The following SPMAP2L variants were observed in gnomAD, a reference collection of about 807,000 sequenced individuals.
SPMAP2L encodes sperm microtubule associated protein 2-like.
the SPMAP2L span, among the ~76,000 whole-genome samples, chr4:56,565,583 C>A: frequency 1.3e-5 from 2 of 152,160 alleles, no homozygotes; most frequent in Non-Finnish European, 2.9e-5. Context: ...CATGCAAGGA[C>A]ATCCATGAAA....
At chr4:56,594,271 G>A in the SPMAP2L span, 10 of 1,569,498 alleles carry the variant, frequency 6.4e-6, no homozygotes, top group Non-Finnish European at 8.8e-6. Context: ...TCCGGTATAT[G>A]AAGAAACTGG....
chr4:56,542,930 C>G, the SPMAP2L span, among the ~76,000 whole-genome samples: 39 of 152,010 alleles, frequency 2.6e-4, no homozygotes, highest in African/African-American at 8.9e-4. Context: ...AAGACAGGGT[C>G]CCTTTGAACC....
the SPMAP2L span, among the ~76,000 whole-genome samples, chr4:56,581,050 C>T: frequency 6.6e-6 from 1 of 151,814 alleles, no homozygotes; most frequent in African/African-American, 2.4e-5. Flanking sequence ...ATTTGAAGTA[C>T]CAAAAATAGT....
chr4:56,560,587 A>C, the SPMAP2L span, among the ~76,000 whole-genome samples: 9 of 152,096 alleles, frequency 5.9e-5, no homozygotes, highest in Non-Finnish European at 1.3e-4. Flanking sequence ...CAACTCAACA[A>C]GTTTGTATCA....
the SPMAP2L span, among the ~76,000 whole-genome samples, chr4:56,591,325 C>A: frequency 6.6e-6 from 1 of 152,140 alleles, no homozygotes; most frequent in Non-Finnish European, 1.5e-5. Flanking sequence ...CCAGCCATGC[C>A]ACCTGTACAC....
the SPMAP2L span, among the ~76,000 whole-genome samples, chr4:56,589,747 T>G: frequency 0.16 from 23,196 of 148,954 alleles, 2,240 homozygotes; most frequent in African/African-American, 0.27. Flanking sequence ...TGTGGGGGGG[T>G]TTTGTTTTTT....
At chr4:56,594,692 G>A in the SPMAP2L span, 5 of 1,320,888 alleles carry the variant, frequency 3.8e-6, no homozygotes, top group Non-Finnish European at 5.5e-6. Context: ...TATCAATGCA[G>A]TTCACCTCAA....
the SPMAP2L span, among the ~76,000 whole-genome samples, chr4:56,602,925 G>A: frequency 3.7e-3 from 563 of 152,208 alleles, 3 homozygotes; most frequent in Middle Eastern, 0.031. Context: ...AGGTCTGTCT[G>A]ATTCCAAAAC....
chr4:56,572,295 A>T, the SPMAP2L span, among the ~76,000 whole-genome samples: 5 of 152,252 alleles, frequency 3.3e-5, no homozygotes, highest in African/African-American at 1.2e-4. Context: ...CTATGATGTT[A>T]TGATGGCTAC....
At chr4:56,543,973 T>TGAGAGAGAGAGA in the SPMAP2L span, among the ~76,000 whole-genome samples, 1 of 127,192 alleles carries the variant, frequency 7.9e-6, no homozygotes, top group African/African-American at 3.1e-5. Flanking sequence ...TGTGTGTATG[T>TGAGAGAGAGAGA]GAGAGAGAGA....
chr4:56,603,398 G>A, the SPMAP2L span: 3 of 1,064,588 alleles, frequency 2.8e-6, no homozygotes, highest in African/African-American at 3.2e-5. Flanking sequence ...TCCCTGTTGC[G>A]GTACTGTCAG....
the SPMAP2L span, among the ~76,000 whole-genome samples, chr4:56,567,967 G>A: frequency 5.9e-5 from 9 of 152,080 alleles, no homozygotes; most frequent in East Asian, 1.4e-3. Context: ...GCTCTAGTTG[G>A]ATGTATCAGA....
the SPMAP2L span, among the ~76,000 whole-genome samples, chr4:56,531,788 CT>C: frequency 3.9e-5 from 6 of 152,314 alleles, no homozygotes; most frequent in Admixed American, 3.9e-4. Context: ...TTTATGACCC[CT>C]CACTAATGAC....
chr4:56,612,263 A>G, the SPMAP2L span, among the ~76,000 whole-genome samples: 20 of 152,394 alleles, frequency 1.3e-4, no homozygotes, highest in South Asian at 3.7e-3. Flanking sequence ...TTAAAATAAT[A>G]TTAAAACTTA....
chr4:56,548,758 T>C, the SPMAP2L span: 1 of 1,444,028 alleles, frequency 6.9e-7, no homozygotes, highest in Non-Finnish European at 9.2e-7. Context: ...CTGTTGAATC[T>C]AATTTTTGCT....
the SPMAP2L span, among the ~76,000 whole-genome samples, chr4:56,556,436 G>C: frequency 6.6e-6 from 1 of 152,206 alleles, no homozygotes; most frequent in Non-Finnish European, 1.5e-5. Flanking sequence ...AGGGGGATAG[G>C]TTTGGGAGGA....
chr4:56,534,383 C>G, the SPMAP2L span, among the ~76,000 whole-genome samples: 2 of 152,150 alleles, frequency 1.3e-5, no homozygotes, highest in African/African-American at 4.8e-5. Flanking sequence ...ACTGATTGTT[C>G]TTTAGTCAGT....
the SPMAP2L span, among the ~76,000 whole-genome samples, chr4:56,597,313 G>A: frequency 6.6e-6 from 1 of 152,190 alleles, no homozygotes; most frequent in African/African-American, 2.4e-5. Context: ...GGTCTGCTGT[G>A]TTGAGCAATA....
At chr4:56,602,042 G>A in the SPMAP2L span, among the ~76,000 whole-genome samples, 13 of 152,150 alleles carry the variant, frequency 8.5e-5, no homozygotes, top group African/African-American at 3.1e-4. Context: ...CAATAAATAG[G>A]CTTTTGTATT....
Sources: allele counts gnomAD v4.1 joint callset (sites outside exome capture counted in the v4.1 genomes callset), GRCh38; gene constraint gnomAD v4.1.1; transcripts MANE v1.5; gene names NCBI Gene and HGNC (gene_info 2026-07-23, HGNC 2026-07-21).